Variants in EIF4E3 observed in about 807,000 individuals in gnomAD.
The protein encoded by EIF4E3 is eukaryotic translation initiation factor 4E family member 3, also known as eukaryotic translation initiation factor 4E type 3.
EIF4E3 carries 26 observed loss-of-function variants against 31.7 expected under a neutral mutation model. The ratio of observed to expected loss-of-function variants is 0.82; its 90% CI spans 0.60 to 1.14. The LOEUF is 1.14. Among genes scored for constraint, EIF4E3 ranks in the 50% most tolerant of loss-of-function variants. The pLI is 0.00. For synonymous variants in EIF4E3, 128 were observed against 107.7 expected, an observed-to-expected ratio of 1.19 and a Z score of -1.17; for missense variants, 304 against 270.9, an observed-to-expected ratio of 1.12 and a Z score of -0.86.
At position 71,725,287 on chromosome 3, in the gene EIF4E3, G is replaced by GGCGGCGGCA; in HGVS notation, c.72_80dup (p.Ala25_Ala27dup). 2 of 1,010,140 alleles carry GGCGGCGGCA rather than the reference G, an allele frequency of 2.0e-6. No individual in the cohort carries two copies. Among genetic ancestry groups the GGCGGCGGCA allele is most frequent in the Non-Finnish European group, 2.4e-6 (2 of 847,314 alleles). 62.6% of individuals were successfully genotyped at this position (1,010,140 alleles called of 1,614,324 possible). On this transcript the variant is annotated inframe_insertion, in exon 1 of 7. Transcript: ENST00000425534. This position sits in a 1 kb window ranked among gnomAD's most constrained non-coding sequence, Gnocchi z 6.1. Reference sequence around the variant, plus strand: ...GCTGCAGGCCGAGCGGCGGCTCGGGGGCGGCGGCAGCGGCGGCGGCGCGGG... The same window carrying GGCGGCGGCA: ...GCTGCAGGCCGAGCGGCGGCTCGGGGGCGGCGGCAGCGGCGGCAGCGGCGGCGGCGCGGG...
the EIF4E3 span, among the ~76,000 whole-genome samples, chr3:71,665,838 C>T: frequency 6.6e-6 from 1 of 152,176 alleles, no homozygotes; most frequent in Non-Finnish European, 1.5e-5. Flanking sequence ...ACAACCTGCT[C>T]CTGAATGACT....
At chr3:71,726,982 G>A (rs2049647295), upstream of EIF4E3, among the ~76,000 whole-genome samples, 1 of 152,132 alleles carries the variant, frequency 6.6e-6, no homozygotes, top group Admixed American at 6.5e-5. Context: ...AAGCCAATGA[G>A]GAAGATACTA....
At chr3:71,717,117 C>T (rs934380307) in intron 1 of EIF4E3, among the ~76,000 whole-genome samples, 27 of 152,272 alleles carry the variant, frequency 1.8e-4, no homozygotes, top group African/African-American at 6.5e-4. Context: ...GAAGCTGAAA[C>T]GGTTTCTTCG....
chr3:71,716,726 C>A (rs1301991330), intron 1 of EIF4E3, among the ~76,000 whole-genome samples: 1 of 152,178 alleles, frequency 6.6e-6, no homozygotes, highest in African/African-American at 2.4e-5. Flanking sequence ...CAAACATACA[C>A]CATTGGTTAG....
the EIF4E3 span, among the ~76,000 whole-genome samples, chr3:71,664,349 G>A: frequency 6.6e-6 from 1 of 152,038 alleles, no homozygotes; most frequent in Non-Finnish European, 1.5e-5. Flanking sequence ...ATGCTATAGT[G>A]GATTTTTTTG....
At chr3:71,690,458 T>C (rs1412973487) in intron 5 of EIF4E3, among the ~76,000 whole-genome samples, 1 of 152,236 alleles carries the variant, frequency 6.6e-6, no homozygotes, top group Non-Finnish European at 1.5e-5. Flanking sequence ...ACCAAAGCTT[T>C]GTGACTATTT....
At chr3:71,711,583 G>A (rs991901835) in intron 1 of EIF4E3, among the ~76,000 whole-genome samples, 1 of 152,228 alleles carries the variant, frequency 6.6e-6, no homozygotes, top group African/African-American at 2.4e-5. Context: ...TGGAGGCAAT[G>A]CCAAAGGCCC....
At position 71,735,282 on chromosome 3, in the gene EIF4E3, C is replaced by T. The variant is rs147853231; in HGVS notation, c.-290-6659G>A. On this transcript the variant is annotated intron_variant, in intron 1 of 7. Transcript: ENST00000295612. ...GGCACAGAGCCTCATTCTCATAAAA[C>T]GAAGAATTAAAATTACTTGCAAAAG... 5.4e-3 allele frequency among the ~76,000 whole-genome samples: 817 copies of T among 151,760 alleles called. 6 individuals carry two copies. The highest frequency in any genetic ancestry group is 0.014 in the Middle Eastern group (4 of 294).
At position 71,684,491 on chromosome 3, in the gene EIF4E3, C is replaced by T. The variant is rs578137884; in HGVS notation, c.*191G>A. On this transcript the variant is annotated 3_prime_UTR_variant, in exon 7 of 7. Coordinates refer to ENST00000425534, the MANE Select transcript of EIF4E3 (RefSeq NM_001134651.2). ...TTTTTTTAAAAAGCAAGTAATGTGA[C>T]GGTAGAAACCCACACAATCTCCCCC... 30 of 449,818 alleles carry T rather than the reference C, an allele frequency of 6.7e-5. 1 individual carries two copies. In the South Asian group the frequency reaches 8.8e-4, roughly 13 times the overall value. 27.9% of individuals were successfully genotyped at this position (449,818 alleles called of 1,614,324 possible).
chr3:71,702,753 T>G (rs905205579), intron 2 of EIF4E3, among the ~76,000 whole-genome samples: 29 of 150,720 alleles, frequency 1.9e-4, no homozygotes, highest in Non-Finnish European at 2.9e-5. Context: ...CATGTGTCAT[T>G]AAACTGGTCT....
the EIF4E3 span, among the ~76,000 whole-genome samples, chr3:71,662,550 G>A: frequency 6.6e-6 from 1 of 152,300 alleles, no homozygotes. Context: ...CAACATGTGT[G>A]CTTCTATGTT....
chr3:71,696,511 C>G lies in EIF4E3; in HGVS notation c.354G>C (p.Glu118Asp). Reference protein sequence around the residue: ...RGERRPLWEEESNAKGGVWKM... With the variant: ...RGERRPLWEEDSNAKGGVWKM... ...TCCATACGCCACCCTTTGCATTACT[C>G]TCCTCTTCCCTGGGCCAAAGACCAA... is the stretch of plus-strand genomic sequence containing the variant. The change falls in exon 4 of 7, where the codon GAG becomes GAC. Residue 118 changes from glutamate (E) to aspartate (D), a missense_variant. By Grantham distance (45) the Glu-to-Asp change is conservative. Transcript: ENST00000425534. 1 of 1,614,158 alleles carries G rather than the reference C, an allele frequency of 6.2e-7. No homozygotes were observed. Among genetic ancestry groups the G allele is most frequent in the Non-Finnish European group, 8.5e-7 (1 of 1,180,022 alleles).
chr3:71,736,598 G>T (rs1192549788), intron 1 of EIF4E3, among the ~76,000 whole-genome samples: 1 of 152,208 alleles, frequency 6.6e-6, no homozygotes, highest in African/African-American at 2.4e-5. Context: ...TTGCAGAAAA[G>T]GCAAAACTAT....
chr3:71,741,547 G>C (rs1004821367), intron 1 of EIF4E3, among the ~76,000 whole-genome samples: 1 of 152,138 alleles, frequency 6.6e-6, no homozygotes, highest in Non-Finnish European at 1.5e-5. Context: ...AGTGCAAGGA[G>C]AAATACAAAT....
At chr3:71,673,972 C>A (rs2048859479), downstream of EIF4E3, among the ~76,000 whole-genome samples, 1 of 147,022 alleles carries the variant, frequency 6.8e-6, no homozygotes, top group Non-Finnish European at 1.5e-5. Context: ...CTCTTGGGAG[C>A]TTCTCACAAT....
chr3:71,667,856 TC>T, the EIF4E3 span, among the ~76,000 whole-genome samples: 8 of 152,276 alleles, frequency 5.3e-5, no homozygotes, highest in Middle Eastern at 3.4e-3. Flanking sequence ...TCAATGCTAT[TC>T]CCATCAAGCT....
the EIF4E3 span, among the ~76,000 whole-genome samples, chr3:71,663,551 G>T: frequency 6.6e-6 from 1 of 152,166 alleles, no homozygotes; most frequent in Non-Finnish European, 1.5e-5. Flanking sequence ...GGGTGAAGAT[G>T]GTGCCCAGCA....
chr3:71,743,952 G>T (rs1170274868), intron 1 of EIF4E3, among the ~76,000 whole-genome samples: 1 of 151,706 alleles, frequency 6.6e-6, no homozygotes, highest in African/African-American at 2.4e-5. Context: ...TATTAACATG[G>T]AACATAAAAC....
At chr3:71,695,018 T>TAA (rs1297862897) in intron 4 of EIF4E3, among the ~76,000 whole-genome samples, 1 of 152,230 alleles carries the variant, frequency 6.6e-6, no homozygotes, top group Non-Finnish European at 1.5e-5. Context: ...GCTGAATCTT[T>TAA]AACCAAGGCC....
Sources: allele counts gnomAD v4.1 joint callset (sites outside exome capture counted in the v4.1 genomes callset), GRCh38; gene constraint gnomAD v4.1.1; non-coding constraint Gnocchi (gnomAD v3.1); transcripts MANE v1.5; gene names NCBI Gene and HGNC (gene_info 2026-07-23, HGNC 2026-07-21).